Variants in DTWD1 observed in about 807,000 individuals in gnomAD.
The protein encoded by DTWD1 is DTW motif tRNA-uridine aminocarboxypropyltransferase 1, also known as tRNA-uridine aminocarboxypropyltransferase 1.
DTWD1 carries 27 observed loss-of-function variants against 30.2 expected under a neutral mutation model. The observed-to-expected ratio is 0.90, with a 90% CI of 0.66 to 1.23. DTWD1 has a LOEUF of 1.23. DTWD1 is among the 50% of genes most tolerant of loss of function. The probability of loss-of-function intolerance (pLI) is 0.00; values close to 1 mark genes in which losing one functional copy is unlikely to be tolerated. For synonymous variants in DTWD1, 99 were observed against 113.1 expected, an observed-to-expected ratio of 0.88 and a Z score of 0.79; for missense variants, 342 against 348.8, an observed-to-expected ratio of 0.98 and a Z score of 0.15.
At position 49,632,288 on chromosome 15, in the gene DTWD1, G is replaced by A. The variant is rs1257151010; in HGVS notation, c.394G>A (p.Glu132Lys). Residue 132 changes from glutamate (E) to lysine (K), a missense_variant, in exon 3 of 5, where the codon GAA becomes AAA. Physicochemically the swap from Glu to Lys is moderately conservative, Grantham distance 56. Coordinates refer to ENST00000403028, the MANE Select transcript of DTWD1 (RefSeq NM_001144955.2). ...YTYPCIPEYE[E>K]KDHEVALIFP... Reference sequence around the variant, plus strand: ...GTATCCGTGTATTCCAGAATATGAAGAAAAGGACCATGAAGTAGGCAACTT... The same window carrying A: ...GTATCCGTGTATTCCAGAATATGAAAAAAAGGACCATGAAGTAGGCAACTT... 1 of 1,579,520 alleles carries A rather than the reference G, an allele frequency of 6.3e-7. No individual in the cohort carries two copies. Among genetic ancestry groups the A allele is most frequent in the African/African-American group, 1.4e-5 (1 of 72,644 alleles).
chr15:49,630,010 G>A (rs992690852), intron 2 of DTWD1: 1 of 152,038 alleles, frequency 6.6e-6, no homozygotes, highest in Non-Finnish European at 1.5e-5. Flanking sequence ...TTCAAAAATA[G>A]TTTTGGAACT....
rs2153354791 is a variant in DTWD1, at chr15:49,650,342, A to C, written c.*6764A>C. Reference sequence around the variant, plus strand: ...AGGATTATTTGGCTTCTTTATGAAAAATAGACTGCAAGAGAGTAAGAAATA... The same window carrying C: ...AGGATTATTTGGCTTCTTTATGAAACATAGACTGCAAGAGAGTAAGAAATA... On this transcript the variant is annotated 3_prime_UTR_variant, in exon 5 of 5. Coordinates refer to ENST00000403028, the MANE Select transcript of DTWD1 (RefSeq NM_001144955.2). 6.6e-6 allele frequency: 1 copy of C among 152,232 alleles called. No individual in the cohort carries two copies. Among genetic ancestry groups the C allele is most frequent in the African/African-American group, 2.4e-5 (1 of 41,548 alleles). 9.4% of individuals were successfully genotyped at this position (152,232 alleles called of 1,614,324 possible). A position where few individuals can be genotyped will look rare whatever the true frequency, so the allele number is the denominator to read the frequency against.
chr15:49,651,191 A>G lies in DTWD1; in HGVS notation c.*7613A>G, dbSNP rs889483520. ...TCATCTAGAATTTAATAGTCCAAGT[A>G]GCCAAACTGGTATTTGTCCTTAAGA... is the stretch of plus-strand genomic sequence containing the variant. On this transcript the variant is annotated 3_prime_UTR_variant, in exon 5 of 5. Transcript: ENST00000403028. 6.6e-6 allele frequency: 1 copy of G among 152,168 alleles called. No homozygotes were observed. The highest frequency in any genetic ancestry group is 1.5e-5 in the Non-Finnish European group (1 of 68,022). The allele number at this position is 152,168 out of a possible 1,614,324, so 9.4% of individuals were successfully genotyped here.
Position 49,634,630 on chromosome 15 carries a change from A to G in DTWD1, c.503A>G (p.Asn168Ser), listed in dbSNP as rs1183687804. 6.2e-7 allele frequency: 1 copy of G among 1,613,956 alleles called. No homozygotes were observed. Among genetic ancestry groups the G allele is most frequent in the Non-Finnish European group, 8.5e-7 (1 of 1,179,926 alleles). Residue 168 changes from asparagine (N) to serine (S), a missense_variant, in exon 4 of 5, where the codon AAT (asparagine) becomes AGT (serine). Transcript: ENST00000403028. Reference sequence around the variant, plus strand: ...ATTCAAAATAATGTTAGAGGCAAAAATGATGACCCTGACAAGCCATCTTTT... The same window carrying G: ...ATTCAAAATAATGTTAGAGGCAAAAGTGATGACCCTGACAAGCCATCTTTT... Reference protein sequence around the residue: ...KRIQNNVRGKNDDPDKPSFKR... With the variant: ...KRIQNNVRGKSDDPDKPSFKR...
rs2079168871 is a variant in DTWD1 at position 49,654,534 on chromosome 15, A to T, written c.*10956A>T. The T allele has an allele frequency of 6.6e-6, 1 of 152,058 alleles. No individual in the cohort carries two copies. The highest frequency in any genetic ancestry group is 2.4e-5 in the African/African-American group (1 of 41,416). The allele number at this position is 152,058 out of a possible 1,614,324, so 9.4% of individuals were successfully genotyped here. On this transcript the variant is annotated 3_prime_UTR_variant, in exon 5 of 5. Coordinates refer to ENST00000403028, the MANE Select transcript of DTWD1 (RefSeq NM_001144955.2). The stretch of plus-strand genomic sequence containing the variant: ...TCTAGAGATATCCATATCTCTAGGG[A>T]CATGGTGAGTCCCTAGAGACACCAC...
In DTWD1 at chr15:49,647,205, C is replaced by T. The variant is rs1208944612; in HGVS notation, c.*3627C>T. The T allele has an allele frequency of 6.6e-6, 1 of 152,130 alleles. No individual in the cohort carries two copies. The highest frequency in any genetic ancestry group is 1.9e-4 in the East Asian group (1 of 5,194). 9.4% of individuals were successfully genotyped at this position (152,130 alleles called of 1,614,324 possible). On this transcript the variant is annotated 3_prime_UTR_variant, in exon 5 of 5. Coordinates refer to ENST00000403028, the MANE Select transcript of DTWD1 (RefSeq NM_001144955.2). Reference sequence around the variant, plus strand: ...CCCTTTGGTTCATCCTGAAGGTCCCCCTAAATCCCTTCAGAAGTCTTAAAA... The same window carrying T: ...CCCTTTGGTTCATCCTGAAGGTCCCTCTAAATCCCTTCAGAAGTCTTAAAA...
At chr15:49,630,901 C>A in intron 2 of DTWD1, 1 of 288,240 alleles carries the variant, frequency 3.5e-6, no homozygotes, top group Admixed American at 3.8e-5. Context: ...CTCATAGGAG[C>A]ATGAACCCTA....
Position 49,655,515 on chromosome 15 carries a change from A to G in DTWD1, c.*11937A>G, listed in dbSNP as rs1161652225. On this transcript the variant is annotated 3_prime_UTR_variant, in exon 5 of 5. Transcript: ENST00000403028. ...TCTTTAAAACTCTGTGAGCCTTTAT[A>G]TCAGATTAGTCCACCCCATTAGAAC... is the stretch of plus-strand genomic sequence containing the variant. 6.6e-6 allele frequency: 1 copy of G among 151,882 alleles called. No homozygotes were observed. The highest frequency in any genetic ancestry group is 1.5e-5 in the Non-Finnish European group (1 of 67,938). 9.4% of individuals were successfully genotyped at this position (151,882 alleles called of 1,614,324 possible).
chr15:49,634,630 A>T lies in DTWD1; in HGVS notation c.503A>T (p.Asn168Ile), dbSNP rs1183687804. Residue 168 changes from asparagine (N) to isoleucine (I), a missense_variant, in exon 4 of 5, where the codon AAT (asparagine) becomes ATT (isoleucine). By Grantham distance (149) the Asn-to-Ile change is moderately radical. Transcript: ENST00000403028. ...ATTCAAAATAATGTTAGAGGCAAAA[A>T]TGATGACCCTGACAAGCCATCTTTT... The part of the protein sequence containing the change: ...KRIQNNVRGK[N>I]DDPDKPSFKR... 6.2e-7 allele frequency: 1 copy of T among 1,613,838 alleles called. No homozygotes were observed. The highest frequency in any genetic ancestry group is 1.3e-5 in the African/African-American group (1 of 74,934).
rs1277683252 is a variant in DTWD1, at chr15:49,646,674, T to A, written c.*3096T>A. 1 of 152,166 alleles carries A rather than the reference T, an allele frequency of 6.6e-6. No individual in the cohort carries two copies. The highest frequency in any genetic ancestry group is 1.5e-5 in the Non-Finnish European group (1 of 68,036). 9.4% of individuals were successfully genotyped at this position (152,166 alleles called of 1,614,324 possible). On this transcript the variant is annotated 3_prime_UTR_variant, in exon 5 of 5. Transcript: ENST00000403028. ...GACTGTATAGAGACACTGTTTTTCATCTTGCCTGTCCAGAAGCGTACTCTG... is the reference window on the plus strand; with the variant it reads ...GACTGTATAGAGACACTGTTTTTCAACTTGCCTGTCCAGAAGCGTACTCTG...
intron 1 of DTWD1, among the ~76,000 whole-genome samples, chr15:49,622,180 T>C (rs1047841457): frequency 6.6e-6 from 1 of 152,206 alleles, no homozygotes. Context: ...TGCTGTTGCA[T>C]AAGAATCAGG....
At chr15:49,633,912 G>A (rs1163166383) in intron 3 of DTWD1, among the ~76,000 whole-genome samples, 2 of 152,092 alleles carry the variant, frequency 1.3e-5, no homozygotes, top group Admixed American at 6.6e-5. Flanking sequence ...TTCCTGGAAG[G>A]TTAGATTTTT....
Position 49,625,118 on chromosome 15 carries a change from C to T in DTWD1, c.-50C>T, listed in dbSNP as rs758343977. On this transcript the variant is annotated 5_prime_UTR_variant, in exon 2 of 5. Coordinates refer to ENST00000403028, the MANE Select transcript of DTWD1 (RefSeq NM_001144955.2). ...TTGATACTTTTTTTTTACAGTGCACCTATGATATGTGTTTTAGAAATAGCC... is the reference window on the plus strand; with the variant it reads ...TTGATACTTTTTTTTTACAGTGCACTTATGATATGTGTTTTAGAAATAGCC... The T allele has an allele frequency of 6.4e-7, 1 of 1,558,148 alleles. No homozygotes were observed. Among genetic ancestry groups the T allele is most frequent in the Admixed American group, 1.8e-5 (1 of 56,610 alleles).
At chr15:49,621,484 G>C (rs1387393296) in intron 1 of DTWD1, among the ~76,000 whole-genome samples, 6 of 152,042 alleles carry the variant, frequency 3.9e-5, no homozygotes, top group Admixed American at 1.3e-4. Flanking sequence ...TGGTTTGTGG[G>C]GGTTTGGTTA....
Position 49,645,222 on chromosome 15 carries a change from A to C in DTWD1, c.*1644A>C, listed in dbSNP as rs566083565. 9 of 152,196 alleles carry C rather than the reference A, an allele frequency of 5.9e-5. No homozygotes were observed. The highest frequency in any genetic ancestry group is 1.0e-4 in the Non-Finnish European group (7 of 68,024). The allele number at this position is 152,196 out of a possible 1,614,324, so 9.4% of individuals were successfully genotyped here. A position where few individuals can be genotyped will look rare whatever the true frequency, so the allele number is the denominator to read the frequency against. On this transcript the variant is annotated 3_prime_UTR_variant, in exon 5 of 5. Coordinates refer to ENST00000403028, the MANE Select transcript of DTWD1 (RefSeq NM_001144955.2). ...ATAGGACGTTTGGAGTATTGTAATT[A>C]AGAACAATTCCTATTAATATACATG...
chr15:49,633,043 C>CTATATA (rs368196512), intron 3 of DTWD1, among the ~76,000 whole-genome samples: 8 of 129,472 alleles, frequency 6.2e-5, no homozygotes, highest in Non-Finnish European at 1.3e-4. Context: ...CTATTTATAT[C>CTATATA]TATATCTATA....
chr15:49,623,743 C>G (rs2078801320), intron 1 of DTWD1: 1 of 152,126 alleles, frequency 6.6e-6, no homozygotes, highest in Non-Finnish European at 1.5e-5. Flanking sequence ...TCTTAATATC[C>G]TGCACTTTCA....
chr15:49,643,129 A>C (rs1463867996), intron 4 of DTWD1, among the ~76,000 whole-genome samples: 1 of 151,982 alleles, frequency 6.6e-6, no homozygotes, highest in African/African-American at 2.4e-5. Context: ...TATTTGTTTT[A>C]TGTTGCTTCT....
rs374528619 is a variant in DTWD1 at position 49,654,742 on chromosome 15, T to C, written c.*11164T>C. 9.9e-5 allele frequency: 15 copies of C among 152,202 alleles called. No homozygotes were observed. Among genetic ancestry groups the C allele is most frequent in the African/African-American group, 3.4e-4 (14 of 41,540 alleles). The allele number at this position is 152,202 out of a possible 1,614,324, so 9.4% of individuals were successfully genotyped here. A position where few individuals can be genotyped will look rare whatever the true frequency, so the allele number is the denominator to read the frequency against. ...AGAGAAAGGCCACCTAAGGAAGAAC[T>C]GAGACGTCCCAGTCAATAGCACTGC... On this transcript the variant is annotated 3_prime_UTR_variant, in exon 5 of 5. Coordinates refer to ENST00000403028, the MANE Select transcript of DTWD1 (RefSeq NM_001144955.2).
Sources: allele counts gnomAD v4.1 joint callset (sites outside exome capture counted in the v4.1 genomes callset), GRCh38; gene constraint gnomAD v4.1.1; transcripts MANE v1.5; gene names NCBI Gene and HGNC (gene_info 2026-07-23, HGNC 2026-07-21).